Variants in WAS observed in about 807,000 individuals in gnomAD.
WAS encodes actin nucleation-promoting factor WAS.
In WAS, 1 loss-of-function variant was observed where a neutral mutation model predicts 38.9. The observed-to-expected ratio is 0.03, with a 90% CI of 0.01 to 0.12. The LOEUF is 0.12. Ranked by LOEUF, WAS falls within the 10% of genes least tolerant of loss-of-function variation. The pLI, the probability that WAS is intolerant of heterozygous loss-of-function variation, is 1.00. For missense variants in WAS, 311 were observed against 431.2 expected (o/e 0.72, Z 2.47); for synonymous variants, 182 against 173.6 (o/e 1.05, Z -0.38).
At chrX:48,683,676 G>A, upstream of WAS, 1 of 640,798 alleles carries the variant, frequency 1.6e-6, no homozygotes, top group Non-Finnish European at 2.3e-6. Context: ...TCTGATGGCG[G>A]AGGGCCCAAG....
At chrX:48,685,495 C>T in intron 2 of WAS, 52 bp from the exon 3 acceptor site, 1 of 1,000,685 alleles carries the variant, frequency 1.0e-6, no homozygotes, top group Non-Finnish European at 1.4e-6. Flanking sequence ...AAAAGCCTGC[C>T]ACCCCCGGCG....
chrX:48,679,993 G>T (rs912764399), upstream of WAS, among the ~76,000 whole-genome samples: 1 of 111,773 alleles, frequency 8.9e-6, no homozygotes, highest in Non-Finnish European at 1.9e-5. Context: ...ACCACGAAGG[G>T]ATGATACTGA....
In WAS at chrX:48,683,813, C is replaced by T. The variant is rs781879472; in HGVS notation, c.-41C>T. The T allele has an allele frequency of 2.4e-5, 29 of 1,203,971 alleles. No homozygotes were observed. The East Asian group carries it at 7.7e-4, about 32-fold the overall frequency. On this transcript the variant is annotated 5_prime_UTR_variant, in exon 1 of 12. Transcript: ENST00000376701. ...TGCGGAAGTTCCTCTTCTTACCCTG[C>T]ACCCAGAGCCTCGCCAGAGAAGACA...
Position 48,688,419 on chromosome X carries a change from G to T in WAS, c.897G>T (p.Gly299=), listed in dbSNP as rs782793103. The change falls in exon 9 of 12, where the codon GGG becomes GGT. Residue 299 remains glycine, a synonymous_variant. Transcript: ENST00000376701. Reference sequence around the variant, plus strand: ...ACGACTTCATTGAGGACCAGGGTGGGCTGGAGGCTGTGCGGCAGGAGATGA... The same window carrying T: ...ACGACTTCATTGAGGACCAGGGTGGTCTGGAGGCTGTGCGGCAGGAGATGA... ...LIYDFIEDQG[G]LEAVRQEMRR... 8.3e-7 allele frequency: 1 copy of T among 1,211,164 alleles called. No individual in the cohort carries two copies. Among genetic ancestry groups the T allele is most frequent in the Non-Finnish European group, 1.1e-6 (1 of 895,334 alleles).
At chrX:48,680,281 G>T (rs1173870736), upstream of WAS, among the ~76,000 whole-genome samples, 1 of 111,307 alleles carries the variant, frequency 9.0e-6, no homozygotes, top group African/African-American at 3.3e-5. Flanking sequence ...CCTCTAAACC[G>T]TTAGGATTAA....
chrX:48,683,613 C>A (rs1195754361), upstream of WAS, among the ~76,000 whole-genome samples: 1 of 111,171 alleles, frequency 9.0e-6, no homozygotes, highest in East Asian at 2.8e-4. Flanking sequence ...GGGAGGAGGA[C>A]CCAAGCTGAT....
chrX:48,676,857 C>T lies in WAS; in HGVS notation c.-131+109C>T, dbSNP rs186406372. ...GGCTGCGGGCTCCAAGGGTCGCACA[C>T]GCTGGAGAGTGCAGGTTGCCGGGTC... On this transcript the variant is annotated intron_variant, in intron 1 of 8. Coordinates refer to the WAS transcript ENST00000450772. The T allele has an allele frequency of 5.6e-3, 629 of 112,984 alleles. 4 individuals are homozygous for T. Among genetic ancestry groups the T allele is most frequent in the Admixed American group, 0.012 (131 of 10,798 alleles). The allele number at this position is 112,984 out of a possible 1,213,427, so 9.3% of individuals were successfully genotyped here. A position where few individuals can be genotyped will look rare whatever the true frequency, so the allele number is the denominator to read the frequency against.
At chrX:48,683,632 T>C, upstream of WAS, 1 of 423,884 alleles carries the variant, frequency 2.4e-6, no homozygotes, top group African/African-American at 2.5e-5. Flanking sequence ...ATCCAAAAGG[T>C]GGGTCTAAGC....
In WAS at chrX:48,688,882, C is replaced by G; in HGVS notation, c.1154C>G (p.Pro385Arg). The G allele has an allele frequency of 8.6e-7, 1 of 1,166,174 alleles. No homozygotes were observed. Among genetic ancestry groups the G allele is most frequent in the East Asian group, 3.2e-5 (1 of 31,382 alleles). Residue 385 changes from proline (P) to arginine (R), a missense_variant, in exon 10 of 12, where the codon CCC becomes CGC. By Grantham distance (103) the Pro-to-Arg change is moderately radical. Around this residue, in one of 4 missense-constraint regions of WAS, gnomAD observed 142 missense variants for 157.6 expected, o/e 0.90. Transcript: ENST00000376701. Reference sequence around the variant, plus strand: ...CGTTCTGGACCACTGCCCCCTCCACCCCCTGGAGCTGGTGGGCCACCCATG... The same window carrying G: ...CGTTCTGGACCACTGCCCCCTCCACGCCCTGGAGCTGGTGGGCCACCCATG... ...TGRSGPLPPP[P>R]PGAGGPPMPP...
rs782645822 is a variant in WAS, at chrX:48,686,137, G to A, written c.559+3G>A. On this transcript the variant is annotated splice_donor_region_variant and intron_variant, in intron 6 of 11. Transcript: ENST00000376701. ...GCATCCAGGTGGAGACCAAGGAGGT[G>A]CGTGCTGATTCTTCCCTGTGTCTCT... 66 of 1,210,691 alleles carry A rather than the reference G, an allele frequency of 5.5e-5. 1 individual carries two copies. The South Asian group carries it at 1.0e-3, about 19-fold the overall frequency.
At chrX:48,677,757 G>GTT (rs782006398) in intron 1 of WAS, among the ~76,000 whole-genome samples, 1,243 of 112,291 alleles carry the variant, frequency 0.011, 17 homozygotes, top group African/African-American at 0.039. Flanking sequence ...GAACTGTGTA[G>GTT]AACTCTCTGT....
chrX:48,683,558 G>A (rs1158157585), upstream of WAS, among the ~76,000 whole-genome samples: 1 of 111,219 alleles, frequency 9.0e-6, no homozygotes, highest in Non-Finnish European at 1.9e-5. Context: ...AGGGAGGAGG[G>A]TCTGAGCCAG....
In WAS at chrX:48,686,826, T is replaced by C; in HGVS notation, c.605T>C (p.Ile202Thr). Residue 202 changes from isoleucine (I) to threonine (T), a missense_variant, in exon 7 of 12, where the codon ATC becomes ACC. Physicochemically the swap from Ile to Thr is moderately conservative, Grantham distance 89. Around this residue, in one of 4 missense-constraint regions of WAS, gnomAD observed 74 missense variants for 131.2 expected, o/e 0.56. Transcript: ENST00000376701. ...PLSLGLATVD[I>T]QNPDITSSRY... is the part of the protein sequence containing the mutation. Reference sequence around the variant, plus strand: ...TCCCTGGGGCTGGCGACAGTGGACATCCAGAACCCTGACATCACGAGTTCA... The same window carrying C: ...TCCCTGGGGCTGGCGACAGTGGACACCCAGAACCCTGACATCACGAGTTCA... The C allele has an allele frequency of 8.3e-7, 1 of 1,211,827 alleles. No individual in the cohort carries two copies. Among genetic ancestry groups the C allele is most frequent in the Non-Finnish European group, 1.1e-6 (1 of 895,524 alleles).
chrX:48,690,833 A>G (rs1207317377), intron 11 of WAS, among the ~76,000 whole-genome samples: 1 of 112,055 alleles, frequency 8.9e-6, no homozygotes, highest in African/African-American at 3.2e-5. Flanking sequence ...CTTTGCTAAT[A>G]TTATTTAAAT....
intron 11 of WAS, among the ~76,000 whole-genome samples, chrX:48,689,789 G>T (rs782742185): frequency 9.1e-6 from 1 of 110,043 alleles, no homozygotes; most frequent in African/African-American, 3.3e-5. Context: ...GAGCCCAGGA[G>T]TTCGAGACCA....
At chrX:48,686,726 G>T (rs963437222) in intron 6 of WAS, 55 bp from the exon 7 acceptor site, 2 of 1,189,387 alleles carry the variant, frequency 1.7e-6, no homozygotes, top group African/African-American at 1.8e-5. Context: ...TTGCCCCTGT[G>T]CTTTGGTTGG....
chrX:48,685,793 C>T lies in WAS; in HGVS notation c.420C>T (p.Leu140=), dbSNP rs782639067. 26 of 1,183,738 alleles carry T rather than the reference C, an allele frequency of 2.2e-5. No homozygotes were observed. The Middle Eastern group carries it at 9.2e-4, about 42-fold the overall frequency. The part of the protein sequence containing the change: ...DEDEAQAFRA[L]VQEKIQKRNQ... ...ACGAGGCCCAGGCCTTCCGGGCCCT[C>T]GTGCAGGAGAAGATACAAAAAAGGA... Residue 140 remains leucine (L), a synonymous_variant, in exon 4 of 12, where the codon CTC becomes CTT. Coordinates refer to ENST00000376701, the MANE Select transcript of WAS (RefSeq NM_000377.3).
At chrX:48,678,110 T>G (rs1414657037) in intron 1 of WAS, among the ~76,000 whole-genome samples, 9 of 111,388 alleles carry the variant, frequency 8.1e-5, no homozygotes, top group Admixed American at 2.9e-4. Flanking sequence ...GTGAATGTCA[T>G]TTCAGGATAG....
Position 48,688,902 on chromosome X carries a change from C to A in WAS, c.1174C>A (p.Pro392Thr), listed in dbSNP as rs1043747875. The part of the protein sequence containing the change: ...PPPPPGAGGP[P>T]MPPPPPPPPP... Reference sequence around the variant, plus strand: ...TCCACCCCCTGGAGCTGGTGGGCCACCCATGCCACCACCACCGCCACCACC... The same window carrying A: ...TCCACCCCCTGGAGCTGGTGGGCCAACCATGCCACCACCACCGCCACCACC... Residue 392 changes from proline (P) to threonine (T), a missense_variant, in exon 10 of 12, where the codon CCC (proline) becomes ACC (threonine). Pro to Thr is a conservative substitution (Grantham distance 38, BLOSUM62 -1). Around this residue, in one of 4 missense-constraint regions of WAS, gnomAD observed 142 missense variants for 157.6 expected, o/e 0.90. Transcript: ENST00000376701. 10 of 1,166,664 alleles carry A rather than the reference C, an allele frequency of 8.6e-6. No homozygotes were observed. The highest frequency in any genetic ancestry group is 1.0e-5 in the Non-Finnish European group (9 of 872,513).
Sources: allele counts gnomAD v4.1 joint callset (sites outside exome capture counted in the v4.1 genomes callset), GRCh38; gene constraint gnomAD v4.1.1; regional missense constraint gnomAD v4.1.1; transcripts MANE v1.5; gene names NCBI Gene and HGNC (gene_info 2026-07-23, HGNC 2026-07-21).